ARHGAP24: variants seen among roughly 807,000 people sequenced by gnomAD.
ARHGAP24 encodes Rho GTPase activating protein 24.
A neutral mutation model predicts 76.4 loss-of-function variants in ARHGAP24; 50 were observed. The ratio of observed to expected loss-of-function variants is 0.65; its 90% CI spans 0.52 to 0.83. ARHGAP24 has a LOEUF of 0.83. ARHGAP24 is among the 40% of genes least tolerant of loss of function. The pLI, the probability that ARHGAP24 is intolerant of heterozygous loss-of-function variation, is 0.00. For synonymous variants in ARHGAP24, 345 were observed against 323.3 expected, an observed-to-expected ratio of 1.07 and a Z score of -0.72; for missense variants, 930 against 914.2, an observed-to-expected ratio of 1.02 and a Z score of -0.22.
chr4:85,546,374 G>T (rs1289202172), intron 1 of ARHGAP24, among the ~76,000 whole-genome samples: 1 of 151,724 alleles, frequency 6.6e-6, no homozygotes, highest in East Asian at 1.9e-4. Context: ...TAAATAAAGA[G>T]AATTGAGAAT....
At chr4:85,949,733 A>G (rs1015093563) in intron 5 of ARHGAP24, among the ~76,000 whole-genome samples, 4 of 152,332 alleles carry the variant, frequency 2.6e-5, no homozygotes, top group Admixed American at 6.5e-5. Context: ...CAGCTTAAAA[A>G]GGGGAGAAAG....
At chr4:85,590,044 C>G (rs1728020035) in intron 2 of ARHGAP24, among the ~76,000 whole-genome samples, 1 of 152,184 alleles carries the variant, frequency 6.6e-6, no homozygotes, top group African/African-American at 2.4e-5. Context: ...TAAAGTAATA[C>G]TTACTGTGTA....
At chr4:85,500,773 T>C (rs1336195727) in intron 1 of ARHGAP24, among the ~76,000 whole-genome samples, 1 of 152,132 alleles carries the variant, frequency 6.6e-6, no homozygotes, top group African/African-American at 2.4e-5. Flanking sequence ...ACGGGGAGGT[T>C]TGTTACATAG....
intron 2 of ARHGAP24, among the ~76,000 whole-genome samples, chr4:85,649,026 TGTGTG>T (rs1308227254): frequency 2.0e-5 from 3 of 151,872 alleles, no homozygotes. Flanking sequence ...TGTGTGTGTG[TGTGTG>T]TGTGTTTGTG....
chr4:85,727,428 C>T (rs1036809303), intron 3 of ARHGAP24, among the ~76,000 whole-genome samples: 2 of 151,910 alleles, frequency 1.3e-5, no homozygotes, highest in African/African-American at 4.8e-5. Context: ...GATAGAGATG[C>T]CCACTTACAG....
intron 4 of ARHGAP24, among the ~76,000 whole-genome samples, chr4:85,924,923 A>C (rs1226822232): frequency 6.6e-6 from 1 of 152,208 alleles, no homozygotes; most frequent in East Asian, 1.9e-4. Context: ...CTTTTGTCCC[A>C]GGCTAATTAC....
intron 3 of ARHGAP24, among the ~76,000 whole-genome samples, chr4:85,917,472 C>G (rs371380870): frequency 0.017 from 2,587 of 151,720 alleles, 60 homozygotes; most frequent in African/African-American, 0.059. Flanking sequence ...GTTCTAGATC[C>G]CTGAGGAATC....
In ARHGAP24 at chr4:85,628,861, A is replaced by G. The variant is rs571822889; in HGVS notation, c.180+58140A>G. The stretch of plus-strand genomic sequence containing the variant: ...AATATCTTTTCCTTCTTTAATTTTA[A>G]TCTATATGTGTCTTTAAAGCAAAAG... On this transcript the variant is annotated intron_variant, in intron 2 of 9. Coordinates refer to ENST00000395184, the MANE Select transcript of ARHGAP24 (RefSeq NM_001025616.3). Among the ~76,000 whole-genome samples the G allele has an allele frequency of 9.9e-5, 15 of 152,194 alleles. No individual in the cohort carries two copies. In the South Asian group the frequency reaches 3.1e-3, roughly 32 times the overall value.
intron 1 of ARHGAP24, among the ~76,000 whole-genome samples, chr4:85,514,693 C>T (rs1388941028): frequency 6.6e-6 from 1 of 151,562 alleles, no homozygotes; most frequent in Non-Finnish European, 1.5e-5. Flanking sequence ...CCAAGAAAGC[C>T]CTTGATGAAG....
At chr4:85,745,475 CAGTT>C (rs1725996823) in intron 3 of ARHGAP24, among the ~76,000 whole-genome samples, 1 of 142,160 alleles carries the variant, frequency 7.0e-6, no homozygotes, top group South Asian at 2.2e-4. Context: ...CTGTGGTTCT[CAGTT>C]ACTCAGGAGT....
chr4:85,901,975 T>G (rs1422586774), intron 3 of ARHGAP24, among the ~76,000 whole-genome samples: 2 of 152,054 alleles, frequency 1.3e-5, no homozygotes, highest in Non-Finnish European at 2.9e-5. Flanking sequence ...TCCCTCCCCT[T>G]GCACTCCACC....
chr4:85,611,440 A>G lies in ARHGAP24; in HGVS notation c.180+40719A>G, dbSNP rs370790384. Among the ~76,000 whole-genome samples, 9 of 152,360 alleles carry G rather than the reference A, an allele frequency of 5.9e-5. No individual in the cohort carries two copies. In the South Asian group the frequency reaches 1.7e-3, roughly 28 times the overall value. On this transcript the variant is annotated intron_variant, in intron 2 of 9. Transcript: ENST00000395184. ...ATGTATCTCCACTAGATCCCATGACAATTATCCACTTAAGAAAAATGACAG... is the reference window on the plus strand; with the variant it reads ...ATGTATCTCCACTAGATCCCATGACGATTATCCACTTAAGAAAAATGACAG...
chr4:85,907,425 A>G (rs1443342534), intron 3 of ARHGAP24, among the ~76,000 whole-genome samples: 1 of 152,230 alleles, frequency 6.6e-6, no homozygotes, highest in African/African-American at 2.4e-5. Flanking sequence ...GATATTCATC[A>G]GGGATTATGC....
At chr4:85,986,855 C>T (rs1226490056) in intron 8 of ARHGAP24, among the ~76,000 whole-genome samples, 1 of 152,004 alleles carries the variant, frequency 6.6e-6, no homozygotes, top group Non-Finnish European at 1.5e-5. Context: ...AGAGTTCTCA[C>T]AAAGGTATTA....
At chr4:85,493,435 C>G (rs1006748973) in intron 1 of ARHGAP24, among the ~76,000 whole-genome samples, 9 of 152,172 alleles carry the variant, frequency 5.9e-5, no homozygotes, top group Admixed American at 3.9e-4. Flanking sequence ...TTTCCCTTAC[C>G]CCCCACTTAC....
chr4:85,779,460 T>C (rs1229663553), intron 3 of ARHGAP24, among the ~76,000 whole-genome samples: 1 of 152,210 alleles, frequency 6.6e-6, no homozygotes, highest in African/African-American at 2.4e-5. Context: ...ACTAAACTCA[T>C]CACAGCTTGG....
intron 3 of ARHGAP24, among the ~76,000 whole-genome samples, chr4:85,918,432 A>C (rs1334620027): frequency 1.3e-5 from 2 of 151,868 alleles, no homozygotes; most frequent in Non-Finnish European, 2.9e-5. Context: ...ATTAAGAATT[A>C]TTTTCAAATG....
At chr4:85,971,310 A>G (rs1298687212) in intron 5 of ARHGAP24, among the ~76,000 whole-genome samples, 1 of 152,146 alleles carries the variant, frequency 6.6e-6, no homozygotes, top group Non-Finnish European at 1.5e-5. Context: ...ACACACATAT[A>G]CCCATCTATA....
intron 3 of ARHGAP24, among the ~76,000 whole-genome samples, chr4:85,780,584 A>C (rs928483913): frequency 6.6e-6 from 1 of 152,086 alleles, no homozygotes; most frequent in African/African-American, 2.4e-5. Context: ...GCATATCTCT[A>C]ATAACTTCCT....
Sources: gnomAD v4.1 joint callset for allele counts (sites outside exome capture counted in the v4.1 genomes callset) on GRCh38, gnomAD v4.1.1 for gene constraint, MANE v1.5 for transcripts, NCBI Gene and HGNC (gene_info 2026-07-23, HGNC 2026-07-21) for gene names.